The following UNC79 variants were observed in gnomAD, a reference collection of about 807,000 sequenced individuals.
The protein encoded by UNC79 is unc-79 subunit of NALCN channel complex, also known as protein unc-79 homolog.
A neutral mutation model predicts 283.1 loss-of-function variants in UNC79; 37 were observed. That is an observed-to-expected ratio of 0.13 (90% CI 0.10 to 0.17). UNC79 has a LOEUF of 0.17. Among genes scored for constraint, UNC79 ranks in the 10% least tolerant of loss-of-function variants. The pLI, the probability that UNC79 is intolerant of heterozygous loss-of-function variation, is 1.00. For missense variants in UNC79, 2,272 were observed against 3,211.1 expected (o/e 0.71, Z 7.07); for synonymous variants, 1,107 against 1,200.2 (o/e 0.92, Z 1.61).
chr14:93,634,437 A>C lies in UNC79; in HGVS notation c.5717-2779A>C, dbSNP rs964571706. 5 of 1,008,492 alleles carry C rather than the reference A, an allele frequency of 5.0e-6. No individual in the cohort carries two copies. The Admixed American group carries it at 1.0e-4, about 21-fold the overall frequency. The allele number at this position is 1,008,492 out of a possible 1,614,324, so 62.5% of individuals were successfully genotyped here. On this transcript the variant is annotated intron_variant, in intron 31 of 48. Transcript: ENST00000555664. ...ATTATGAATAGCAAATGAAGGGTCA[A>C]TTAAAATTCTATATGGATGTGTGGA...
chr14:93,417,406 G>C (rs1199481108), intron 1 of UNC79, among the ~76,000 whole-genome samples: 1 of 152,052 alleles, frequency 6.6e-6, no homozygotes, highest in Non-Finnish European at 1.5e-5. Flanking sequence ...TAGTCTGATG[G>C]GCTTCCCTTT....
chr14:93,539,196 C>G (rs2141158847), intron 12 of UNC79, among the ~76,000 whole-genome samples: 1 of 141,436 alleles, frequency 7.1e-6, no homozygotes, highest in East Asian at 2.1e-4. Context: ...AGCCACCGTG[C>G]CTGGCTCCAG....
rs191493217 is a variant in UNC79 at position 93,688,198 on chromosome 14, G to A, written c.6910-467G>A. 2.6e-5 allele frequency among the ~76,000 whole-genome samples: 4 copies of A among 152,296 alleles called. No homozygotes were observed. The highest frequency in any genetic ancestry group is 4.4e-5 in the Non-Finnish European group (3 of 68,030). ...TTTAATTTATAGTCTGGTAGTGGAG[G>A]CCACATTTAGTGAACATTTCACACA... On this transcript the variant is annotated intron_variant, in intron 43 of 48. Transcript: ENST00000555664. This position sits in a 1 kb window ranked among gnomAD's most constrained non-coding sequence, Gnocchi z 4.0.
chr14:93,495,849 T>C (rs2058992850), intron 5 of UNC79, among the ~76,000 whole-genome samples: 1 of 152,226 alleles, frequency 6.6e-6, no homozygotes, highest in African/African-American at 2.4e-5. Context: ...TCAAGGAAGC[T>C]TGCTGTCATG....
intron 10 of UNC79, among the ~76,000 whole-genome samples, chr14:93,530,240 C>G (rs536143828): frequency 2.0e-5 from 3 of 151,306 alleles, no homozygotes; most frequent in African/African-American, 7.3e-5. Context: ...ATATCAGCCT[C>G]TATATCCTTC....
chr14:93,542,781 G>A (rs1455387910), intron 14 of UNC79, 85 bp downstream of exon 14: 3 of 1,286,252 alleles, frequency 2.3e-6, no homozygotes, highest in Non-Finnish European at 3.4e-6. Flanking sequence ...TATTATCAGT[G>A]TCTGCAGAGG....
At chr14:93,503,063 C>A (rs534925755) in intron 7 of UNC79, among the ~76,000 whole-genome samples, 3 of 152,144 alleles carry the variant, frequency 2.0e-5, no homozygotes, top group Non-Finnish European at 4.4e-5. Flanking sequence ...CATGGACCAC[C>A]TCCTACCATA....
chr14:93,454,575 TCTCAGC>T (rs2056744772), intron 1 of UNC79, among the ~76,000 whole-genome samples: 1 of 152,190 alleles, frequency 6.6e-6, no homozygotes, highest in South Asian at 2.1e-4. Context: ...ACTTAACCTC[TCTCAGC>T]CTCAGTTTTT....
intron 30 of UNC79, among the ~76,000 whole-genome samples, chr14:93,624,939 T>G (rs930409749): frequency 4.6e-5 from 7 of 152,194 alleles, no homozygotes; most frequent in Admixed American, 3.9e-4. Context: ...CACTGTGCAC[T>G]TCACTCTGTT....
intron 1 of UNC79, among the ~76,000 whole-genome samples, chr14:93,405,190 G>A (rs1334181686): frequency 6.6e-6 from 1 of 151,712 alleles, no homozygotes; most frequent in Non-Finnish European, 1.5e-5. Context: ...GGCTGAGGTA[G>A]GAAAATCGCT....
chr14:93,338,292 C>T (rs1055536841), intron 1 of UNC79, among the ~76,000 whole-genome samples: 1 of 152,122 alleles, frequency 6.6e-6, no homozygotes, highest in African/African-American at 2.4e-5. Context: ...CACCACCTCC[C>T]ACCGACCAGT....
At chr14:93,386,784 C>T (rs2054783033) in intron 1 of UNC79, among the ~76,000 whole-genome samples, 1 of 151,920 alleles carries the variant, frequency 6.6e-6, no homozygotes, top group Non-Finnish European at 1.5e-5. Context: ...TTTTCATCTC[C>T]AATTTTATTT....
At chr14:93,566,611 T>C (rs1196223754) in intron 14 of UNC79, among the ~76,000 whole-genome samples, 1 of 151,736 alleles carries the variant, frequency 6.6e-6, no homozygotes, top group Non-Finnish European at 1.5e-5. Flanking sequence ...TTGGTTCGAT[T>C]TTGGATACCC....
chr14:93,378,949 C>T (rs1338722305), intron 1 of UNC79, among the ~76,000 whole-genome samples: 1 of 152,064 alleles, frequency 6.6e-6, no homozygotes, highest in African/African-American at 2.4e-5. Context: ...TGTGGAGTAG[C>T]TGGAAAGGCT....
At chr14:93,646,238 T>A (rs1030530109) in intron 34 of UNC79, among the ~76,000 whole-genome samples, 8 of 152,218 alleles carry the variant, frequency 5.3e-5, no homozygotes, top group Non-Finnish European at 1.2e-4. Context: ...GGTTTGTTTA[T>A]AGTTAGGTTT....
At chr14:93,622,958 CA>C in intron 30 of UNC79, 117 bp downstream of exon 32, 1 of 1,337,422 alleles carries the variant, frequency 7.5e-7, no homozygotes, top group South Asian at 1.5e-5. Context: ...CAGGGTGTGA[CA>C]TTATAATGGC....
At chr14:93,590,701 A>G (rs2064604175) in intron 22 of UNC79, among the ~76,000 whole-genome samples, 1 of 152,162 alleles carries the variant, frequency 6.6e-6, no homozygotes, top group African/African-American at 2.4e-5. Context: ...CAATGAAAGG[A>G]CTTGTGGAAG....
intron 32 of UNC79, 134 bp downstream of exon 35, chr14:93,637,433 C>T: frequency 6.9e-7 from 1 of 1,449,182 alleles, no homozygotes; most frequent in Non-Finnish European, 9.1e-7. Context: ...CCAAACACCC[C>T]CAGTGGCTGA....
chr14:93,582,590 C>T (rs918669817), intron 20 of UNC79, among the ~76,000 whole-genome samples: 1 of 152,190 alleles, frequency 6.6e-6, no homozygotes, highest in Non-Finnish European at 1.5e-5. Context: ...CTCATCGCCT[C>T]CCTACTTACA....
Sources: gnomAD v4.1 joint callset for allele counts (sites outside exome capture counted in the v4.1 genomes callset) on GRCh38, gnomAD v4.1.1 for gene constraint, Gnocchi (gnomAD v3.1) non-coding constraint, MANE v1.5 for transcripts, NCBI Gene and HGNC (gene_info 2026-07-23, HGNC 2026-07-21) for gene names.